Variants in ANXA4 observed in about 807,000 individuals in gnomAD.
The protein encoded by ANXA4 is 35-beta calcimedin.
Under a neutral mutation model 49.8 loss-of-function variants are expected in ANXA4, and 39 were observed. The ratio of observed to expected loss-of-function variants is 0.78; its 90% CI spans 0.61 to 1.02. The LOEUF (loss-of-function observed/expected upper bound fraction) is 1.02. Ranked by LOEUF, ANXA4 falls within the 50% of genes least tolerant of loss-of-function variation. The pLI is 0.00. For synonymous variants in ANXA4, 134 were observed against 152.5 expected (o/e 0.88, Z 0.89); for missense variants, 360 against 410.1 (o/e 0.88, Z 1.05).
At chr2:69,691,441 CG>C (rs1037442037) in intron 2 of ANXA4, among the ~76,000 whole-genome samples, 1 of 151,964 alleles carries the variant, frequency 6.6e-6, no homozygotes, top group Non-Finnish European at 1.5e-5. Context: ...CACTGAAAAA[CG>C]GATGCACCTA....
At chr2:69,669,975 A>G (rs775712327) in intron 2 of ANXA4, among the ~76,000 whole-genome samples, 1 of 152,126 alleles carries the variant, frequency 6.6e-6, no homozygotes, top group African/African-American at 2.4e-5. Flanking sequence ...AGTTGGGGGG[A>G]AAAGTACTGA....
chr2:69,738,677 C>T (rs1046087846), upstream of ANXA4, among the ~76,000 whole-genome samples: 3 of 152,204 alleles, frequency 2.0e-5, no homozygotes, highest in Non-Finnish European at 4.4e-5. Flanking sequence ...TTGGAGTAAA[C>T]TTTCTGGAAA....
intron 2 of ANXA4, among the ~76,000 whole-genome samples, chr2:69,664,767 G>A (rs1268701799): frequency 1.3e-5 from 2 of 152,118 alleles, no homozygotes; most frequent in Non-Finnish European, 1.5e-5. Context: ...CTTGAACCCA[G>A]GTAGGCTTCT....
intron 2 of ANXA4, among the ~76,000 whole-genome samples, chr2:69,783,039 G>A (rs1300695224): frequency 6.6e-6 from 1 of 152,006 alleles, no homozygotes; most frequent in African/African-American, 2.4e-5. Flanking sequence ...TAATAGTTTT[G>A]TAGCTTTCCT....
intron 9 of ANXA4, chr2:69,817,035 T>A (rs1241145573): frequency 6.6e-6 from 1 of 152,224 alleles, no homozygotes; most frequent in Non-Finnish European, 1.5e-5. Flanking sequence ...CTCCTGTTAA[T>A]CAATATCCCG....
intron 3 of ANXA4, among the ~76,000 whole-genome samples, chr2:69,727,869 T>C (rs556085838): frequency 5.4e-4 from 83 of 152,356 alleles, no homozygotes; most frequent in African/African-American, 1.9e-3. Context: ...TTGTATTTAC[T>C]TGCCATGTCT....
chr2:69,765,543 C>T (rs1358508921), intron 1 of ANXA4, among the ~76,000 whole-genome samples: 1 of 152,114 alleles, frequency 6.6e-6, no homozygotes, highest in Non-Finnish European at 1.5e-5. Context: ...TGCTCCTCTA[C>T]AGTTAGTATC....
At chr2:69,818,426 C>T in intron 9 of ANXA4, 173 bp from the exon 10 acceptor site, 3 of 401,388 alleles carry the variant, frequency 7.5e-6, no homozygotes, top group African/African-American at 6.2e-5. Context: ...ATCTGGGGCC[C>T]ATTCCACTCT....
intron 4 of ANXA4, among the ~76,000 whole-genome samples, chr2:69,805,642 A>G (rs993300250): frequency 1.3e-4 from 20 of 152,102 alleles, no homozygotes; most frequent in African/African-American, 4.6e-4. Context: ...GCACCTATCT[A>G]TAGAAATCTC....
At chr2:69,691,724 T>C (rs1677977990) in intron 2 of ANXA4, among the ~76,000 whole-genome samples, 1 of 152,136 alleles carries the variant, frequency 6.6e-6, no homozygotes, top group African/African-American at 2.4e-5. Flanking sequence ...GGAGTGAGCC[T>C]TCTGAGCAGC....
At chr2:69,811,314 A>G (rs1673696444) in intron 7 of ANXA4, 1 of 152,978 alleles carries the variant, frequency 6.5e-6, no homozygotes. Context: ...AGCAGTTTAC[A>G]CTTATTTATT....
At chr2:69,666,471 A>C (rs961039004) in intron 2 of ANXA4, among the ~76,000 whole-genome samples, 1 of 152,238 alleles carries the variant, frequency 6.6e-6, no homozygotes, top group Non-Finnish European at 1.5e-5. Flanking sequence ...TGACACAGGA[A>C]TTCCAGTCAT....
At chr2:69,764,527 C>T (rs954793479) in intron 1 of ANXA4, among the ~76,000 whole-genome samples, 2 of 152,150 alleles carry the variant, frequency 1.3e-5, no homozygotes, top group African/African-American at 4.8e-5. Context: ...GCGTGCTTCC[C>T]TGAGAGGCCA....
intron 2 of ANXA4, among the ~76,000 whole-genome samples, chr2:69,677,415 A>G (rs1677449697): frequency 6.6e-6 from 1 of 151,882 alleles, no homozygotes; most frequent in Non-Finnish European, 1.5e-5. Flanking sequence ...TTTTTAGTAG[A>G]GACAGGGTTT....
Position 69,797,282 on chromosome 2 carries a change from T to G in ANXA4, c.98-7251T>G, listed in dbSNP as rs183713543. Reference sequence around the variant, plus strand: ...CACAGTAGGAGAGTCCTCCTGGCTGTTCTCCCTCCTTGGTCCCCGGGTCCC... The same window carrying G: ...CACAGTAGGAGAGTCCTCCTGGCTGGTCTCCCTCCTTGGTCCCCGGGTCCC... On this transcript the variant is annotated intron_variant, in intron 3 of 12. Coordinates refer to ENST00000394295, the MANE Select transcript of ANXA4 (RefSeq NM_001153.5). Among the ~76,000 whole-genome samples, 634 of 152,210 alleles carry G rather than the reference T, an allele frequency of 4.2e-3. 5 individuals are homozygous for G. Among genetic ancestry groups the G allele is most frequent in the African/African-American group, 0.013 (538 of 41,548 alleles).
At chr2:69,714,247 G>A (rs1678793795) in intron 2 of ANXA4, among the ~76,000 whole-genome samples, 1 of 152,184 alleles carries the variant, frequency 6.6e-6, no homozygotes, top group Non-Finnish European at 1.5e-5. Flanking sequence ...GGAGATGTGG[G>A]CACATTCTGG....
rs2103921822 is a variant in ANXA4, at chr2:69,826,164, T to A, written c.*649T>A. ...TCTGAACTAAATTCTAAAGTATGGT[T>A]ATACAAACCATATACATCTGGTTAC... On this transcript the variant is annotated 3_prime_UTR_variant, in exon 13 of 13. Coordinates refer to ENST00000394295, the MANE Select transcript of ANXA4 (RefSeq NM_001153.5). 1 of 152,778 alleles carries A rather than the reference T, an allele frequency of 6.5e-6. No homozygotes were observed. Among genetic ancestry groups the A allele is most frequent in the East Asian group, 1.9e-4 (1 of 5,192 alleles). 9.5% of individuals were successfully genotyped at this position (152,778 alleles called of 1,614,324 possible).
rs78523913 is a variant in ANXA4, at chr2:69,768,447, C to T, written c.-46-13073C>T. Among the ~76,000 whole-genome samples, 816 of 152,212 alleles carry T rather than the reference C, an allele frequency of 5.4e-3. 9 individuals are homozygous for T. The highest frequency in any genetic ancestry group is 0.017 in the African/African-American group (718 of 41,524). On this transcript the variant is annotated intron_variant, in intron 1 of 12. Coordinates refer to ENST00000394295, the MANE Select transcript of ANXA4 (RefSeq NM_001153.5). ...ATTGAGAAAGGTCGTAAAGTCTTTA[C>T]AGCAGGAAGTTCAACCACGTCATCT...
At chr2:69,788,964 A>T (rs1268132205) in intron 3 of ANXA4, among the ~76,000 whole-genome samples, 1 of 152,118 alleles carries the variant, frequency 6.6e-6, no homozygotes, top group Non-Finnish European at 1.5e-5. Flanking sequence ...CTGGATGGGG[A>T]GGGGCATTAG....
Sources: gnomAD v4.1 joint callset for allele counts (sites outside exome capture counted in the v4.1 genomes callset) on GRCh38, gnomAD v4.1.1 for gene constraint, MANE v1.5 for transcripts, NCBI Gene and HGNC (gene_info 2026-07-23, HGNC 2026-07-21) for gene names.